Variants in PIP5K1B observed in about 807,000 individuals in gnomAD.
PIP5K1B encodes the protein phosphatidylinositol-4-phosphate 5-kinase type 1 beta.
PIP5K1B carries 42 observed loss-of-function variants against 67.0 expected under a neutral mutation model. The ratio of observed to expected loss-of-function variants is 0.63; its 90% CI spans 0.49 to 0.81. The LOEUF (loss-of-function observed/expected upper bound fraction) is 0.81. Ranked by LOEUF, PIP5K1B falls within the 30% of genes least tolerant of loss-of-function variation. The pLI is 0.00. For synonymous variants in PIP5K1B, 214 were observed against 231.4 expected (o/e 0.92, Z 0.68); for missense variants, 459 against 646.3 (o/e 0.71, Z 3.14).
chr9:68,829,503 T>C (rs930567469), intron 4 of PIP5K1B, among the ~76,000 whole-genome samples: 5 of 152,226 alleles, frequency 3.3e-5, no homozygotes, highest in African/African-American at 1.2e-4. Context: ...AAGTGAGGGC[T>C]GGCGCTACTG....
At chr9:68,946,578 G>A (rs576257686) in intron 14 of PIP5K1B, among the ~76,000 whole-genome samples, 14 of 151,706 alleles carry the variant, frequency 9.2e-5, no homozygotes, top group South Asian at 2.1e-4. Context: ...TAGTAGAGAC[G>A]GGGTTTGGGG....
intron 1 of PIP5K1B, chr9:68,707,632 G>A (rs1427284962): frequency 2.0e-5 from 3 of 152,300 alleles, no homozygotes. Flanking sequence ...GACAAGCAGT[G>A]GGAGTTTTCC....
intron 6 of PIP5K1B, among the ~76,000 whole-genome samples, chr9:68,888,562 ATCT>A (rs1587620366): frequency 6.6e-6 from 1 of 152,230 alleles, no homozygotes; most frequent in African/African-American, 2.4e-5. Flanking sequence ...AGTAGATGAC[ATCT>A]TCTGGGAAAA....
chr9:68,803,005 G>C (rs1832685217), intron 2 of PIP5K1B, among the ~76,000 whole-genome samples: 1 of 152,200 alleles, frequency 6.6e-6, no homozygotes. Context: ...TGTTAGAAAT[G>C]ATGAGATCTC....
chr9:68,886,342 A>G (rs535224018), intron 6 of PIP5K1B, among the ~76,000 whole-genome samples: 1 of 152,196 alleles, frequency 6.6e-6, no homozygotes, highest in Non-Finnish European at 1.5e-5. Flanking sequence ...ACTGAGCTTA[A>G]TAAAACCAAA....
chr9:68,716,878 G>T (rs930851175), intron 1 of PIP5K1B, among the ~76,000 whole-genome samples: 6 of 152,158 alleles, frequency 3.9e-5, no homozygotes, highest in Non-Finnish European at 7.3e-5. Flanking sequence ...AGAAAATGTG[G>T]TATATATACA....
intron 14 of PIP5K1B, among the ~76,000 whole-genome samples, chr9:68,982,511 C>T (rs1268863694): frequency 6.6e-6 from 1 of 152,126 alleles, no homozygotes; most frequent in Non-Finnish European, 1.5e-5. Flanking sequence ...AATCCCAGCA[C>T]TCTGGGAGGC....
intron 6 of PIP5K1B, among the ~76,000 whole-genome samples, chr9:68,880,584 C>CGCAT (rs1824142638): frequency 2.0e-5 from 1 of 50,692 alleles, no homozygotes; most frequent in African/African-American, 5.4e-5. Context: ...CACACACACA[C>CGCAT]ACACGCATAC....
At chr9:68,743,967 A>G (rs7871212) in intron 2 of PIP5K1B, among the ~76,000 whole-genome samples, 1 of 152,224 alleles carries the variant, frequency 6.6e-6, no homozygotes, top group Non-Finnish European at 1.5e-5. Context: ...TGGGAACTCA[A>G]TCAGAGCTTG....
At chr9:68,832,610 C>T (rs1308374554) in intron 4 of PIP5K1B, among the ~76,000 whole-genome samples, 2 of 152,144 alleles carry the variant, frequency 1.3e-5, no homozygotes, top group African/African-American at 2.4e-5. Context: ...GAAGATGGGC[C>T]GTGGGCTCTG....
At chr9:68,919,400 C>G in intron 9 of PIP5K1B, 79 bp from the exon 10 acceptor site, 1 of 663,888 alleles carries the variant, frequency 1.5e-6, no homozygotes, top group East Asian at 3.1e-5. Context: ...TATTTTCAGT[C>G]TATTTATTAG....
At chr9:68,964,340 C>T (rs1287903581) in intron 14 of PIP5K1B, among the ~76,000 whole-genome samples, 1 of 152,198 alleles carries the variant, frequency 6.6e-6, no homozygotes, top group Non-Finnish European at 1.5e-5. Flanking sequence ...GTAAAGGCCC[C>T]TAAGGGAAGT....
intron 2 of PIP5K1B, among the ~76,000 whole-genome samples, chr9:68,803,213 G>A (rs1171055960): frequency 6.6e-6 from 1 of 152,146 alleles, no homozygotes; most frequent in Non-Finnish European, 1.5e-5. Flanking sequence ...ACGATAAACT[G>A]CAATTGAAGC....
chr9:68,991,980 G>GA (rs957199966), intron 15 of PIP5K1B, among the ~76,000 whole-genome samples: 4 of 151,862 alleles, frequency 2.6e-5, no homozygotes, highest in Non-Finnish European at 4.4e-5. Flanking sequence ...TTTTTTTTGG[G>GA]GGGGGGCAGA....
intron 6 of PIP5K1B, among the ~76,000 whole-genome samples, chr9:68,886,649 C>T (rs1458034585): frequency 6.6e-6 from 1 of 152,158 alleles, no homozygotes; most frequent in Non-Finnish European, 1.5e-5. Context: ...ATCTTTTATC[C>T]GCGGAACCAG....
chr9:68,866,642 C>G (rs1432500300), intron 5 of PIP5K1B, among the ~76,000 whole-genome samples: 5 of 152,142 alleles, frequency 3.3e-5, no homozygotes, highest in Admixed American at 6.5e-5. Flanking sequence ...ACAAATCAAC[C>G]CTTTCTCTGG....
intron 4 of PIP5K1B, among the ~76,000 whole-genome samples, chr9:68,849,444 G>A (rs1474297037): frequency 2.6e-5 from 4 of 152,110 alleles, no homozygotes; most frequent in African/African-American, 4.8e-5. Context: ...GCAGCGGTAC[G>A]ATCTCAGCTC....
At chr9:68,919,867 A>G (rs1481900896) in intron 11 of PIP5K1B, 138 bp downstream of exon 11, 2 of 534,386 alleles carry the variant, frequency 3.7e-6, no homozygotes, top group Non-Finnish European at 6.6e-6. Flanking sequence ...ATCTTAGGTT[A>G]GTAGATCAGT....
At chr9:68,814,838 A>T (rs543508080) in intron 2 of PIP5K1B, among the ~76,000 whole-genome samples, 6 of 152,198 alleles carry the variant, frequency 3.9e-5, no homozygotes, top group South Asian at 4.1e-4. Flanking sequence ...TAATAATAAT[A>T]ATTATTTCAT....
Sources: allele counts gnomAD v4.1 joint callset (sites outside exome capture counted in the v4.1 genomes callset), GRCh38; gene constraint gnomAD v4.1.1; transcripts MANE v1.5; gene names NCBI Gene and HGNC (gene_info 2026-07-23, HGNC 2026-07-21).